Variants in MTUS1 observed in about 807,000 individuals in gnomAD.
MTUS1 encodes microtubule-associated tumor suppressor 1.
Under a neutral mutation model 120.8 loss-of-function variants are expected in MTUS1, and 109 were observed. That is an observed-to-expected ratio of 0.90 (90% CI 0.77 to 1.06). The LOEUF (loss-of-function observed/expected upper bound fraction) is 1.06. Ranked by LOEUF, MTUS1 falls within the 50% of genes least tolerant of loss-of-function variation. MTUS1 has a pLI of 0.00. For missense variants in MTUS1, 2,210 were observed against 1,486.3 expected (o/e 1.49, Z -8.01); for synonymous variants, 737 against 550.5 (o/e 1.34, Z -4.74).
Position 17,645,677 on chromosome 8 carries a change from C to A in MTUS1, c.*249G>T. On this transcript the variant is annotated 3_prime_UTR_variant, in exon 15 of 15. Transcript: ENST00000693296. The stretch of plus-strand genomic sequence containing the variant: ...CTCGTTCTTTAAGTGCTTTGTGCAA[C>A]AACGTCCGTGTCGATGCCGAAATCT... The A allele has an allele frequency of 2.4e-6, 1 of 420,026 alleles. No homozygotes were observed. 26.0% of individuals were successfully genotyped at this position (420,026 alleles called of 1,614,324 possible).
chr8:17,765,721 T>G (rs1455746803), intron 1 of MTUS1, among the ~76,000 whole-genome samples: 1 of 75,238 alleles, frequency 1.3e-5, no homozygotes, highest in East Asian at 3.6e-4. Flanking sequence ...CACACACAAA[T>G]GCACACACAA....
chr8:17,683,330 G>C (rs1815020196), intron 7 of MTUS1, among the ~76,000 whole-genome samples: 1 of 152,064 alleles, frequency 6.6e-6, no homozygotes. Context: ...CCAAGGCACA[G>C]ACCAAGTCTC....
At chr8:17,650,879 A>G (rs754051227) in intron 12 of MTUS1, among the ~76,000 whole-genome samples, 4 of 152,236 alleles carry the variant, frequency 2.6e-5, no homozygotes, top group Non-Finnish European at 4.4e-5. Flanking sequence ...TCCACTGATC[A>G]GATATGTTTA....
intron 6 of MTUS1, among the ~76,000 whole-genome samples, chr8:17,712,660 GTCCA>G (rs541126193): frequency 6.6e-6 from 1 of 152,032 alleles, no homozygotes; most frequent in Non-Finnish European, 1.5e-5. Flanking sequence ...CTGTCTGTCT[GTCCA>G]TCCATCCATC....
chr8:17,785,737 C>A (rs1228801262), intron 1 of MTUS1, among the ~76,000 whole-genome samples: 1 of 152,140 alleles, frequency 6.6e-6, no homozygotes, highest in African/African-American at 2.4e-5. Context: ...AACCTCTGAT[C>A]TAGATGACAA....
rs1373368156 is a variant in MTUS1, at chr8:17,697,600, T to C, written c.2624-13058A>G. On this transcript the variant is annotated intron_variant, in intron 6 of 14. Coordinates refer to ENST00000693296, the MANE Select transcript of MTUS1 (RefSeq NM_001363059.2). ...TTTTCACTTTCAGATGTTGCCAAAA[T>C]GATGCTCTTCCTCTGAATACAATCT... The C allele has an allele frequency of 2.3e-6, 3 of 1,315,986 alleles. No individual in the cohort carries two copies. The African/African-American group carries it at 4.4e-5, about 20-fold the overall frequency. 81.5% of individuals were successfully genotyped at this position (1,315,986 alleles called of 1,614,324 possible). A position where few individuals can be genotyped will look rare whatever the true frequency, so the allele number is the denominator to read the frequency against.
chr8:17,770,696 T>C (rs920713892), intron 1 of MTUS1: 7 of 152,194 alleles, frequency 4.6e-5, no homozygotes, highest in Admixed American at 3.3e-4. Flanking sequence ...TTTTTTATTC[T>C]TCCAAACTAA....
At chr8:17,737,473 C>T (rs943883059) in intron 3 of MTUS1, among the ~76,000 whole-genome samples, 5 of 152,272 alleles carry the variant, frequency 3.3e-5, no homozygotes, top group East Asian at 1.9e-4. Flanking sequence ...CATCTATTAG[C>T]GACACATTAA....
intron 6 of MTUS1, among the ~76,000 whole-genome samples, chr8:17,711,700 G>T (rs770873772): frequency 3.9e-5 from 6 of 152,094 alleles, no homozygotes; most frequent in Non-Finnish European, 7.4e-5. Flanking sequence ...CTAACTGCTT[G>T]GCACAAGAGA....
At chr8:17,718,413 A>G (rs1460013885) in intron 4 of MTUS1, among the ~76,000 whole-genome samples, 1 of 152,178 alleles carries the variant, frequency 6.6e-6, no homozygotes, top group African/African-American at 2.4e-5. Flanking sequence ...GTGCTGAATC[A>G]CCTATCTATG....
At chr8:17,724,059 A>C (rs1364393019) in intron 3 of MTUS1, 2 of 577,064 alleles carry the variant, frequency 3.5e-6, no homozygotes, top group Non-Finnish European at 6.2e-6. Flanking sequence ...TTAGGATATG[A>C]GAAGTGTAGG....
chr8:17,657,799 C>CAAAAAAAA (rs1216051789), intron 8 of MTUS1, among the ~76,000 whole-genome samples: 1 of 91,260 alleles, frequency 1.1e-5, no homozygotes, highest in Non-Finnish European at 2.0e-5. Context: ...GACCCTATCT[C>CAAAAAAAA]AAAAAAAAAA....
At chr8:17,677,116 T>C (rs1173260475) in intron 7 of MTUS1, among the ~76,000 whole-genome samples, 1 of 152,188 alleles carries the variant, frequency 6.6e-6, no homozygotes, top group African/African-American at 2.4e-5. Context: ...TGTTCTGAAA[T>C]CACCAGTGAG....
intron 7 of MTUS1, among the ~76,000 whole-genome samples, chr8:17,680,932 G>T (rs1372564659): frequency 6.6e-6 from 1 of 150,942 alleles, no homozygotes; most frequent in Non-Finnish European, 1.5e-5. Flanking sequence ...CATTTAATTT[G>T]CTTTTTTTCT....
chr8:17,679,209 C>A (rs1813749510), intron 7 of MTUS1, among the ~76,000 whole-genome samples: 1 of 58,314 alleles, frequency 1.7e-5, no homozygotes, highest in Non-Finnish European at 4.3e-5. Context: ...TACACACACA[C>A]ACACAAATAC....
At chr8:17,652,325 C>G (rs1231115728) in intron 12 of MTUS1, among the ~76,000 whole-genome samples, 1 of 152,208 alleles carries the variant, frequency 6.6e-6, no homozygotes, top group Non-Finnish European at 1.5e-5. Flanking sequence ...AAATGAAATA[C>G]TAACATAGGC....
At chr8:17,681,492 T>A (rs1814494521) in intron 7 of MTUS1, 1 of 154,480 alleles carries the variant, frequency 6.5e-6, no homozygotes, top group Admixed American at 6.5e-5. Flanking sequence ...CCTAACTCTA[T>A]GCCTCAATTT....
chr8:17,730,475 ACT>A (rs1288307826), intron 3 of MTUS1, among the ~76,000 whole-genome samples: 1 of 133,660 alleles, frequency 7.5e-6, no homozygotes, highest in Non-Finnish European at 1.6e-5. Flanking sequence ...AGAGAGCAAG[ACT>A]CTGTCTTTAA....
intron 1 of MTUS1, among the ~76,000 whole-genome samples, chr8:17,794,077 C>G (rs2052018620): frequency 6.6e-6 from 1 of 152,156 alleles, no homozygotes; most frequent in Non-Finnish European, 1.5e-5. Context: ...TCTGTAGTCC[C>G]AGCACTTTGG....
Sources: gnomAD v4.1 joint callset for allele counts (sites outside exome capture counted in the v4.1 genomes callset) on GRCh38, gnomAD v4.1.1 for gene constraint, MANE v1.5 for transcripts, NCBI Gene and HGNC (gene_info 2026-07-23, HGNC 2026-07-21) for gene names.